CCNY: variants seen among roughly 807,000 people sequenced by gnomAD.
CCNY encodes the protein cyclin-Y.
A neutral mutation model predicts 42.8 loss-of-function variants in CCNY; 19 were observed. That is an observed-to-expected ratio of 0.44 (90% CI 0.31 to 0.65). CCNY has a LOEUF of 0.65. CCNY is among the 30% of genes least tolerant of loss of function. The pLI is 0.07. For missense variants in CCNY, 370 were observed against 437.3 expected (o/e 0.85, Z 1.37); for synonymous variants, 165 against 162.7 (o/e 1.01, Z -0.11).
intron 1 of CCNY, among the ~76,000 whole-genome samples, chr10:35,457,327 C>T (rs778757594): frequency 1.3e-5 from 2 of 152,172 alleles, no homozygotes; most frequent in Admixed American, 1.3e-4. Flanking sequence ...TCAGTCCCGT[C>T]GCAGCCTGGT....
chr10:35,566,082 G>T lies in CCNY; in HGVS notation c.806G>T (p.Ser269Ile). The change falls in exon 9 of 10, where the codon AGT becomes ATT. Residue 269 changes from serine to isoleucine, a missense_variant. Ser to Ile is a moderately radical substitution (Grantham distance 142, BLOSUM62 -2). Coordinates refer to ENST00000374704, the MANE Select transcript of CCNY (RefSeq NM_145012.6). ...LLQFNINVPS[S>I]VYAKYYFDLR... ...CAGTTCAACATCAATGTTCCTTCCA[G>T]TGTCTATGCCAAGTATTATTTTGAT... The T allele has an allele frequency of 6.2e-7, 1 of 1,614,198 alleles. No individual in the cohort carries two copies. Among genetic ancestry groups the T allele is most frequent in the Non-Finnish European group, 8.5e-7 (1 of 1,180,022 alleles).
At chr10:35,410,927 C>T (rs548446807) in intron 1 of CCNY, among the ~76,000 whole-genome samples, 208 of 152,234 alleles carry the variant, frequency 1.4e-3, no homozygotes, top group African/African-American at 4.6e-3. Flanking sequence ...TTGGGGAAGA[C>T]TTGTAACTTT....
intron 3 of CCNY, among the ~76,000 whole-genome samples, chr10:35,266,804 C>T (rs1412518634): frequency 6.6e-6 from 1 of 152,092 alleles, no homozygotes; most frequent in Non-Finnish European, 1.5e-5. Context: ...CCTACTGTCG[C>T]CGGGTGCGGT....
intron 1 of CCNY, among the ~76,000 whole-genome samples, chr10:35,407,899 C>T (rs953514603): frequency 6.6e-6 from 1 of 152,146 alleles, no homozygotes; most frequent in Non-Finnish European, 1.5e-5. Flanking sequence ...ACCAGTGGAA[C>T]GTGGGTGAAT....
chr10:35,384,959 G>T (rs370989555), intron 1 of CCNY, among the ~76,000 whole-genome samples: 27 of 152,280 alleles, frequency 1.8e-4, no homozygotes, highest in African/African-American at 6.0e-4. Flanking sequence ...TGACTGATGA[G>T]TTCCTTTTGG....
intron 1 of CCNY, among the ~76,000 whole-genome samples, chr10:35,354,893 G>A (rs1363878746): frequency 1.3e-5 from 2 of 152,102 alleles, no homozygotes; most frequent in African/African-American, 4.8e-5. Context: ...TCAGTCTTAT[G>A]TTTCAGGTGT....
intron 7 of CCNY, among the ~76,000 whole-genome samples, chr10:35,545,404 G>A (rs1841091634): frequency 6.6e-6 from 1 of 152,192 alleles, no homozygotes; most frequent in African/African-American, 2.4e-5. Flanking sequence ...AGTTCCAAGG[G>A]CTGTGAGGGA....
chr10:35,265,698 G>A (rs1469674304), intron 3 of CCNY, among the ~76,000 whole-genome samples: 2 of 152,248 alleles, frequency 1.3e-5, no homozygotes, highest in Admixed American at 6.5e-5. Flanking sequence ...AGCAGGGCAC[G>A]GGTTGCCTTA....
At chr10:35,433,257 A>G (rs1254520619) in intron 1 of CCNY, among the ~76,000 whole-genome samples, 1 of 152,190 alleles carries the variant, frequency 6.6e-6, no homozygotes, top group Non-Finnish European at 1.5e-5. Flanking sequence ...CTCCTATTGT[A>G]AAACGTTTTG....
At chr10:35,323,844 C>T (rs1390000115) in intron 3 of CCNY, among the ~76,000 whole-genome samples, 2 of 152,086 alleles carry the variant, frequency 1.3e-5, no homozygotes, top group African/African-American at 4.8e-5. Context: ...CATGGTGAAA[C>T]CCTGTCTCTA....
chr10:35,391,275 G>A (rs1241250730), intron 1 of CCNY, among the ~76,000 whole-genome samples: 1 of 152,190 alleles, frequency 6.6e-6, no homozygotes, highest in Non-Finnish European at 1.5e-5. Flanking sequence ...CACAGTTTAA[G>A]CCAATTCTGA....
chr10:35,295,220 C>T (rs888540194), intron 3 of CCNY, among the ~76,000 whole-genome samples: 2 of 141,760 alleles, frequency 1.4e-5, no homozygotes, highest in African/African-American at 5.2e-5. Context: ...ATAAGTTATC[C>T]CCTATAATAC....
chr10:35,390,125 A>G (rs1184663423), intron 1 of CCNY, among the ~76,000 whole-genome samples: 1 of 152,248 alleles, frequency 6.6e-6, no homozygotes, highest in Non-Finnish European at 1.5e-5. Context: ...TGGCATACAA[A>G]TTAAATAAGC....
chr10:35,483,433 C>G lies in CCNY; in HGVS notation c.184C>G (p.His62Asp). 6.2e-7 allele frequency: 1 copy of G among 1,608,114 alleles called. No individual in the cohort carries two copies. The highest frequency in any genetic ancestry group is 2.2e-5 in the East Asian group (1 of 44,658). The stretch of plus-strand genomic sequence containing the variant: ...GAACATGGAATTCAATCCTTCAGAT[C>G]ATCCTCGGGCCAGCACAATATTCCT... ...DLNMEFNPSD[H>D]PRASTIFLSK... The change falls in exon 2 of 10, where the codon CAT becomes GAT. Residue 62 changes from histidine to aspartate, a missense_variant. Coordinates refer to ENST00000374704, the MANE Select transcript of CCNY (RefSeq NM_145012.6).
chr10:35,521,603 G>C (rs1167508235), intron 4 of CCNY, among the ~76,000 whole-genome samples: 3 of 152,206 alleles, frequency 2.0e-5, no homozygotes, highest in African/African-American at 7.2e-5. Flanking sequence ...CATGGCTCCT[G>C]GGCTGTTCTC....
At chr10:35,473,157 G>A (rs1326606323) in intron 1 of CCNY, among the ~76,000 whole-genome samples, 1 of 152,202 alleles carries the variant, frequency 6.6e-6, no homozygotes, top group Non-Finnish European at 1.5e-5. Flanking sequence ...GATGTGTCAT[G>A]TACTTCATCT....
chr10:35,405,012 T>C (rs1837726593), intron 1 of CCNY, among the ~76,000 whole-genome samples: 1 of 152,058 alleles, frequency 6.6e-6, no homozygotes, highest in Non-Finnish European at 1.5e-5. Context: ...TAATGAGTTA[T>C]GGAGGGGTTG....
chr10:35,460,166 T>A (rs1839126313), intron 1 of CCNY, among the ~76,000 whole-genome samples: 2 of 152,236 alleles, frequency 1.3e-5, no homozygotes, highest in Non-Finnish European at 2.9e-5. Context: ...AGTGTCTCCC[T>A]GCCGCTTGGC....
intron 1 of CCNY, among the ~76,000 whole-genome samples, chr10:35,396,088 T>A (rs958279016): frequency 5.3e-5 from 8 of 152,150 alleles, no homozygotes; most frequent in Non-Finnish European, 1.2e-4. Context: ...GGCTCTTTCA[T>A]CCTCTCGTCC....
Sources: allele counts gnomAD v4.1 joint callset (sites outside exome capture counted in the v4.1 genomes callset), GRCh38; gene constraint gnomAD v4.1.1; transcripts MANE v1.5; gene names NCBI Gene and HGNC (gene_info 2026-07-23, HGNC 2026-07-21).